The following NUF2 variants were observed in gnomAD, a reference collection of about 807,000 sequenced individuals.
NUF2 encodes NUF2 component of NDC80 kinetochore complex.
A neutral mutation model predicts 61.8 loss-of-function variants in NUF2; 34 were observed. The observed-to-expected ratio is 0.55, with a 90% confidence interval of 0.42 to 0.73. The LOEUF (loss-of-function observed/expected upper bound fraction) is 0.73, where lower values mean the gene tolerates loss of function less well. NUF2 is among the 30% of genes least tolerant of loss of function. The pLI is 0.00. For missense variants in NUF2, 445 were observed against 539.1 expected, an observed-to-expected ratio of 0.83 and a Z score of 1.73; for synonymous variants, 172 against 181.6, an observed-to-expected ratio of 0.95 and a Z score of 0.42.
chr1:163,346,826 G>A (rs1651151551), intron 11 of NUF2, among the ~76,000 whole-genome samples: 1 of 151,966 alleles, frequency 6.6e-6, no homozygotes, highest in African/African-American at 2.4e-5. Context: ...CAGTCTGAGT[G>A]ACAGAGTGAA....
chr1:163,324,580 T>C (rs1024939624), intron 1 of NUF2, among the ~76,000 whole-genome samples: 1 of 152,188 alleles, frequency 6.6e-6, no homozygotes, highest in Non-Finnish European at 1.5e-5. Context: ...GTTTGCAAAA[T>C]TGAATATATT....
At chr1:163,338,223 A>C (rs1650827379) in intron 7 of NUF2, 130 bp downstream of exon 7, 1 of 505,856 alleles carries the variant, frequency 2.0e-6, no homozygotes, top group Admixed American at 4.0e-5. Context: ...AGAGTATTTG[A>C]GTTTGCCTTT....
At chr1:163,333,546 A>G (rs1235836009) in intron 5 of NUF2, among the ~76,000 whole-genome samples, 2 of 151,874 alleles carry the variant, frequency 1.3e-5, no homozygotes, top group Non-Finnish European at 2.9e-5. Context: ...AATACTATAT[A>G]TGAAAAAGAT....
intron 5 of NUF2, among the ~76,000 whole-genome samples, chr1:163,336,228 T>C (rs964719016): frequency 6.6e-6 from 1 of 152,188 alleles, no homozygotes; most frequent in African/African-American, 2.4e-5. Flanking sequence ...ACTCTTTCTC[T>C]TTACAGCTTC....
At chr1:163,327,971 G>T in intron 3 of NUF2, 1 of 391,204 alleles carries the variant, frequency 2.6e-6, no homozygotes. Context: ...TGAGCTTTTA[G>T]CAAATTATTT....
At chr1:163,346,220 G>A (rs1651123167) in intron 11 of NUF2, 1 of 149,336 alleles carries the variant, frequency 6.7e-6, no homozygotes, top group Non-Finnish European at 1.5e-5. Context: ...TTAAAACTTA[G>A]GCACAGTAAG....
At chr1:163,350,741 C>T (rs1651288797) in intron 13 of NUF2, among the ~76,000 whole-genome samples, 1 of 151,402 alleles carries the variant, frequency 6.6e-6, no homozygotes, top group Non-Finnish European at 1.5e-5. Context: ...CTCACCCAAA[C>T]ACATTGATTA....
Position 163,326,048 on chromosome 1 carries a change from C to G in NUF2, c.-4C>G. The G allele has an allele frequency of 6.2e-7, 1 of 1,610,684 alleles. No homozygotes were observed. The highest frequency in any genetic ancestry group is 8.5e-7 in the Non-Finnish European group (1 of 1,178,100). On this transcript the variant is annotated 5_prime_UTR_variant, in exon 2 of 14. Transcript: ENST00000271452. ...TTCCTTCAGATTAACAGGAAACTTC[C>G]AAGATGGAAACTTTGTCTTTCCCCA... is the stretch of plus-strand genomic sequence containing the variant.
chr1:163,345,367 A>G (rs1395246553), intron 10 of NUF2, among the ~76,000 whole-genome samples: 1 of 152,194 alleles, frequency 6.6e-6, no homozygotes, highest in Non-Finnish European at 1.5e-5. Context: ...GTAATCAGAA[A>G]TAGTTTGAGT....
intron 4 of NUF2, 152 bp from the exon 5 acceptor site, chr1:163,328,694 G>A (rs980342205): frequency 3.4e-6 from 2 of 592,204 alleles, no homozygotes; most frequent in Non-Finnish European, 6.0e-6. Context: ...GTGCTATAGG[G>A]TTATACATTA....
chr1:163,333,687 T>A (rs1372417133), intron 5 of NUF2, among the ~76,000 whole-genome samples: 3 of 152,174 alleles, frequency 2.0e-5, no homozygotes, highest in African/African-American at 4.8e-5. Flanking sequence ...TACCTTACAA[T>A]AATATACTTT....
intron 5 of NUF2, among the ~76,000 whole-genome samples, chr1:163,330,246 A>G (rs746055424): frequency 6.6e-6 from 1 of 152,194 alleles, no homozygotes; most frequent in Non-Finnish European, 1.5e-5. Context: ...TATACCACTC[A>G]GGTGAAGGAA....
chr1:163,343,250 A>G (rs2101683740), intron 9 of NUF2, among the ~76,000 whole-genome samples: 1 of 152,308 alleles, frequency 6.6e-6, no homozygotes, highest in Middle Eastern at 3.4e-3. Flanking sequence ...CAGTCTTATG[A>G]AACACATATT....
At chr1:163,337,951 G>A in intron 6 of NUF2, 69 bp from the exon 7 acceptor site, 1 of 1,170,752 alleles carries the variant, frequency 8.5e-7, no homozygotes, top group Non-Finnish European at 1.3e-6. Context: ...TATAGTATGA[G>A]TAAACATTTT....
In NUF2 at chr1:163,347,940, T is replaced by G. The variant is rs2101688799; in HGVS notation, c.1124+2T>G. On this transcript the variant is annotated splice_donor_variant, in intron 12 of 13. Coordinates refer to ENST00000271452, the MANE Select transcript of NUF2 (RefSeq NM_145697.3). LOFTEE classifies it high-confidence loss of function. ...GCAATACAAACGCACAGTAATTGAG[T>G]ATGGAGTTGTTTTCAATTTTAGTGT... The G allele has an allele frequency of 6.7e-7, 1 of 1,503,022 alleles. No homozygotes were observed. The allele number at this position is 1,503,022 out of a possible 1,614,324, so 93.1% of individuals were successfully genotyped here. A position where few individuals can be genotyped will look rare whatever the true frequency, so the allele number is the denominator to read the frequency against.
At chr1:163,339,237 T>C in intron 7 of NUF2, 144 bp from the exon 8 acceptor site, 1 of 592,926 alleles carries the variant, frequency 1.7e-6, no homozygotes, top group South Asian at 2.2e-5. Flanking sequence ...AGATCATTCA[T>C]TTTAAATGAT....
chr1:163,331,991 ATTC>A (rs995790015), intron 5 of NUF2, among the ~76,000 whole-genome samples: 1 of 150,586 alleles, frequency 6.6e-6, no homozygotes, highest in African/African-American at 2.4e-5. Context: ...GCTTATTGTT[ATTC>A]TTTCTTCATG....
intron 13 of NUF2, among the ~76,000 whole-genome samples, chr1:163,352,722 C>G (rs902676503): frequency 6.6e-6 from 1 of 152,070 alleles, no homozygotes; most frequent in African/African-American, 2.4e-5. Context: ...AAAAATTAGC[C>G]GGGCGTGGTG....
intron 5 of NUF2, among the ~76,000 whole-genome samples, chr1:163,334,676 A>G (rs1650698337): frequency 6.6e-6 from 1 of 152,146 alleles, no homozygotes. Flanking sequence ...CTATTCCAGC[A>G]GCTTAGAGGG....
Sources: allele counts gnomAD v4.1 joint callset (sites outside exome capture counted in the v4.1 genomes callset), GRCh38; gene constraint gnomAD v4.1.1; transcripts MANE v1.5; gene names NCBI Gene and HGNC (gene_info 2026-07-23, HGNC 2026-07-21).